Variants in EBF3 observed in about 807,000 individuals in gnomAD.
The protein encoded by EBF3 is transcription factor COE3.
Under a neutral mutation model 77.1 loss-of-function variants are expected in EBF3, and 18 were observed. That is an observed-to-expected ratio of 0.23 (90% CI 0.16 to 0.35). EBF3 has a LOEUF of 0.35. Ranked by LOEUF, EBF3 falls within the 10% of genes least tolerant of loss-of-function variation. The pLI is 1.00. For synonymous variants in EBF3, 350 were observed against 343.5 expected (o/e 1.02, Z -0.21); for missense variants, 558 against 860.0 (o/e 0.65, Z 4.39).
intron 11 of EBF3, among the ~76,000 whole-genome samples, chr10:129,846,809 A>AAAAG (rs1564820830): frequency 6.6e-6 from 1 of 152,104 alleles, no homozygotes; most frequent in Admixed American, 6.5e-5. Flanking sequence ...CACCTGAATT[A>AAAAG]AAAGAGCTAA....
chr10:129,904,933 A>G (rs1375745944), intron 6 of EBF3, among the ~76,000 whole-genome samples: 2 of 152,256 alleles, frequency 1.3e-5, no homozygotes, highest in Non-Finnish European at 2.9e-5. Context: ...ACACAAAATT[A>G]TAATCACGAG....
rs572028619 is a variant in EBF3 at position 129,943,151 on chromosome 10, G to C, written c.554+14107C>G. ...CCAACAACTTCCTCCACATAAACAAGGCCCGCCAGAGCCAGAGAGCTGCCA... is the reference window on the plus strand; with the variant it reads ...CCAACAACTTCCTCCACATAAACAACGCCCGCCAGAGCCAGAGAGCTGCCA... On this transcript the variant is annotated intron_variant, in intron 6 of 16. Transcript: ENST00000440978. This position sits in a 1 kb window ranked among gnomAD's most constrained non-coding sequence, Gnocchi z 8.8. Among the ~76,000 whole-genome samples the C allele has an allele frequency of 7.8e-4, 119 of 152,308 alleles. No homozygotes were observed. The highest frequency in any genetic ancestry group is 2.9e-3 in the African/African-American group (119 of 41,560).
At chr10:129,855,938 G>T (rs1851223401) in intron 10 of EBF3, among the ~76,000 whole-genome samples, 1 of 152,196 alleles carries the variant, frequency 6.6e-6, no homozygotes. Flanking sequence ...AACAGAAAAA[G>T]GAGTTGGCAA....
At chr10:129,838,111 G>A (rs1040998195) in intron 16 of EBF3, 151 bp from the exon 17 acceptor site, 36 of 895,636 alleles carry the variant, frequency 4.0e-5, no homozygotes, top group Admixed American at 2.6e-4. Context: ...TGGTTAGGGC[G>A]TGCTGGGGAA....
At chr10:129,910,747 G>A (rs191107959) in intron 6 of EBF3, among the ~76,000 whole-genome samples, 20 of 152,116 alleles carry the variant, frequency 1.3e-4, no homozygotes, top group African/African-American at 3.9e-4. Flanking sequence ...CCTTCAGCAC[G>A]CTCTAGCCCA....
At chr10:129,916,960 C>A (rs1251231208) in intron 6 of EBF3, among the ~76,000 whole-genome samples, 1 of 152,176 alleles carries the variant, frequency 6.6e-6, no homozygotes, top group Non-Finnish European at 1.5e-5. Context: ...TCTAAAACAT[C>A]AGCAGGAAAA....
At position 129,842,066 on chromosome 10, in the gene EBF3, A is replaced by G; in HGVS notation, c.1372+50T>C. ...TGCCTCTTCAGCTAAGGCCTCAACC[A>G]ACCCTCGGAGGGCGTTCAGGGCAGG... is the stretch of plus-strand genomic sequence containing the variant. On this transcript the variant is annotated intron_variant, in intron 13 of 16. Coordinates refer to ENST00000440978, the MANE Select transcript of EBF3 (RefSeq NM_001375380.1). The surrounding 1 kb of genome is among the most constrained non-coding windows in gnomAD (Gnocchi z 4.4). 1 of 1,612,112 alleles carries G rather than the reference A, an allele frequency of 6.2e-7. No homozygotes were observed. Among genetic ancestry groups the G allele is most frequent in the Non-Finnish European group, 8.5e-7 (1 of 1,178,922 alleles).
chr10:129,933,619 G>A (rs773791900), intron 6 of EBF3, among the ~76,000 whole-genome samples: 5 of 152,204 alleles, frequency 3.3e-5, no homozygotes, highest in Non-Finnish European at 5.9e-5. Flanking sequence ...CTCTGCAGGC[G>A]GGTGCCCGTG....
chr10:129,851,094 C>T (rs1165531118), intron 10 of EBF3, among the ~76,000 whole-genome samples: 1 of 152,232 alleles, frequency 6.6e-6, no homozygotes, highest in African/African-American at 2.4e-5. Flanking sequence ...TGACCTTTCA[C>T]CTGCGCTGCA....
intron 6 of EBF3, among the ~76,000 whole-genome samples, chr10:129,923,199 T>G (rs1856433327): frequency 6.6e-6 from 1 of 152,212 alleles, no homozygotes; most frequent in Admixed American, 6.5e-5. Flanking sequence ...CCATAGTGAC[T>G]TCATGAAGCA....
Position 129,885,895 on chromosome 10 carries a change from G to T in EBF3, c.555-8046C>A, listed in dbSNP as rs887898585. On this transcript the variant is annotated intron_variant, in intron 6 of 16. Coordinates refer to ENST00000440978, the MANE Select transcript of EBF3 (RefSeq NM_001375380.1). The surrounding 1 kb of genome is among the most constrained non-coding windows in gnomAD (Gnocchi z 4.0). ...TGCTTATCCCAACTTAGGGTTTCAA[G>T]CCTCTCCCACCATACGCGTGTGTGT... 7.2e-5 allele frequency among the ~76,000 whole-genome samples: 11 copies of T among 152,186 alleles called. No individual in the cohort carries two copies. Among genetic ancestry groups the T allele is most frequent in the African/African-American group, 2.7e-4 (11 of 41,448 alleles).
chr10:129,919,312 G>C (rs1856107814), intron 6 of EBF3, among the ~76,000 whole-genome samples: 1 of 152,130 alleles, frequency 6.6e-6, no homozygotes, highest in African/African-American at 2.4e-5. Context: ...GGCTGTCCAG[G>C]TGGAGGGAAC....
In EBF3 at chr10:129,917,364, G is replaced by A. The variant is rs117685743; in HGVS notation, c.555-39515C>T. 2.2e-3 allele frequency among the ~76,000 whole-genome samples: 329 copies of A among 151,928 alleles called. 1 individual carries two copies. The highest frequency in any genetic ancestry group is 4.4e-3 in the Admixed American group (67 of 15,288). On this transcript the variant is annotated intron_variant, in intron 6 of 16. Transcript: ENST00000440978. ...AGCCTGAGCGACAGGGCGAGACTCC[G>A]TCTCAAGGAAAAAAAACAAAAAAAG...
At chr10:129,898,918 T>A (rs1417937559) in intron 6 of EBF3, among the ~76,000 whole-genome samples, 1 of 152,234 alleles carries the variant, frequency 6.6e-6, no homozygotes, top group Admixed American at 6.5e-5. Flanking sequence ...TAATTTTGCA[T>A]CCTCGGATAA....
intron 6 of EBF3, among the ~76,000 whole-genome samples, chr10:129,951,440 G>A (rs7085033): frequency 0.18 from 27,956 of 152,236 alleles, 2,754 homozygotes; most frequent in East Asian, 0.25. Context: ...ACCCCTGCAC[G>A]TTCATACCCG....
rs1158625512 is a variant in EBF3, at chr10:129,943,126, C to G, written c.554+14132G>C. Among the ~76,000 whole-genome samples, 1 of 152,192 alleles carries G rather than the reference C, an allele frequency of 6.6e-6. No individual in the cohort carries two copies. The highest frequency in any genetic ancestry group is 1.5e-5 in the Non-Finnish European group (1 of 68,036). ...ATCACTCCACCGGCTGCTCAAGAAG[C>G]CAACAACTTCCTCCACATAAACAAG... On this transcript the variant is annotated intron_variant, in intron 6 of 16. Coordinates refer to ENST00000440978, the MANE Select transcript of EBF3 (RefSeq NM_001375380.1). The surrounding 1 kb of genome is among the most constrained non-coding windows in gnomAD (Gnocchi z 8.8).
At chr10:129,953,273 A>T (rs149998418) in intron 6 of EBF3, among the ~76,000 whole-genome samples, 3 of 152,294 alleles carry the variant, frequency 2.0e-5, no homozygotes, top group African/African-American at 7.2e-5. Context: ...TAAGCAAATA[A>T]TATTTCCCTA....
At chr10:129,942,694 A>G (rs1857857966) in intron 6 of EBF3, among the ~76,000 whole-genome samples, 1 of 152,216 alleles carries the variant, frequency 6.6e-6, no homozygotes, top group South Asian at 2.1e-4. Flanking sequence ...ATTTCTTCTA[A>G]ATAACGCCTG....
At chr10:129,869,013 A>G (rs1376651116) in intron 8 of EBF3, among the ~76,000 whole-genome samples, 2 of 152,194 alleles carry the variant, frequency 1.3e-5, no homozygotes, top group African/African-American at 4.8e-5. Flanking sequence ...TTGGTGCACA[A>G]GGAAGAATGG....
Sources: gnomAD v4.1 joint callset for allele counts (sites outside exome capture counted in the v4.1 genomes callset) on GRCh38, gnomAD v4.1.1 for gene constraint, Gnocchi (gnomAD v3.1) non-coding constraint, MANE v1.5 for transcripts, NCBI Gene and HGNC (gene_info 2026-07-23, HGNC 2026-07-21) for gene names.